Variants in MCM5 observed in about 807,000 individuals in gnomAD.
MCM5 encodes the protein DNA replication licensing factor MCM5.
Under a neutral mutation model 79.9 loss-of-function variants are expected in MCM5, and 46 were observed. The observed-to-expected ratio is 0.58, with a 90% CI of 0.45 to 0.74. MCM5 has a LOEUF of 0.74. Among genes scored for constraint, MCM5 ranks in the 30% least tolerant of loss-of-function variants. The pLI, the probability that MCM5 is intolerant of heterozygous loss-of-function variation, is 0.00. For missense variants in MCM5, 883 were observed against 1,017.0 expected (o/e 0.87, Z 1.79); for synonymous variants, 404 against 390.5 (o/e 1.03, Z -0.41).
chr22:35,420,389 A>G (rs1427726840), intron 14 of MCM5, among the ~76,000 whole-genome samples: 1 of 152,184 alleles, frequency 6.6e-6, no homozygotes, highest in Non-Finnish European at 1.5e-5. Flanking sequence ...TTTAGCTCCT[A>G]ACTCTGTTCA....
intron 11 of MCM5, 98 bp from the exon 12 acceptor site, chr22:35,416,540 T>TAAAC: frequency 1.3e-6 from 1 of 753,228 alleles, no homozygotes; most frequent in Non-Finnish European, 2.2e-6. Flanking sequence ...TGTGTGTGTG[T>TAAAC]GTGTGTGTGT....
chr22:35,430,623 C>T, the MCM5 span, among the ~76,000 whole-genome samples: 14 of 152,086 alleles, frequency 9.2e-5, no homozygotes, highest in African/African-American at 3.1e-4. Context: ...CTGCCTCAGC[C>T]TCCCGAGTAG....
At chr22:35,449,146 C>G in the MCM5 span, among the ~76,000 whole-genome samples, 1 of 152,170 alleles carries the variant, frequency 6.6e-6, no homozygotes, top group Non-Finnish European at 1.5e-5. Flanking sequence ...ACCGAGGGTA[C>G]TGAGATGAGG....
the MCM5 span, among the ~76,000 whole-genome samples, chr22:35,448,301 T>G: frequency 4.9e-4 from 74 of 152,204 alleles, 1 homozygote; most frequent in Admixed American, 1.4e-3. Flanking sequence ...TTTAGCTATG[T>G]CTTCGTCTCT....
chr22:35,445,614 A>G, the MCM5 span, among the ~76,000 whole-genome samples: 1 of 151,500 alleles, frequency 6.6e-6, no homozygotes, highest in Non-Finnish European at 1.5e-5. Context: ...GGTTCACGCC[A>G]TTCTCATGCC....
chr22:35,450,131 C>T, the MCM5 span, among the ~76,000 whole-genome samples: 1 of 152,120 alleles, frequency 6.6e-6, no homozygotes, highest in Non-Finnish European at 1.5e-5. Flanking sequence ...AGCTGTCTGA[C>T]CTCTCAGATT....
the MCM5 span, among the ~76,000 whole-genome samples, chr22:35,449,005 C>T: frequency 4.6e-5 from 7 of 152,186 alleles, no homozygotes; most frequent in Non-Finnish European, 7.3e-5. Context: ...AGTCCAGCAT[C>T]AGTGTGGTGG....
the MCM5 span, among the ~76,000 whole-genome samples, chr22:35,432,304 G>A: frequency 2.6e-5 from 4 of 152,152 alleles, no homozygotes; most frequent in Non-Finnish European, 4.4e-5. Context: ...CAAGAGATGG[G>A]ACCCCATGGA....
In MCM5 at chr22:35,401,001, G is replaced by A. The variant is rs4645735; in HGVS notation, c.167+396G>A. Among the ~76,000 whole-genome samples the A allele has an allele frequency of 9.2e-3, 1,396 of 152,182 alleles. 23 individuals carry two copies. Among genetic ancestry groups the A allele is most frequent in the African/African-American group, 0.032 (1,343 of 41,516 alleles). On this transcript the variant is annotated intron_variant, in intron 2 of 16. Coordinates refer to ENST00000216122, the MANE Select transcript of MCM5 (RefSeq NM_006739.4). ...GCCCGGATAATTTTTTGTAATTTTA[G>A]TAGAGATGGGGTTTCGCCATGTTCG...
Position 35,424,242 on chromosome 22 carries a change from A to G in MCM5, c.2192A>G (p.Tyr731Cys). The G allele has an allele frequency of 6.5e-7, 1 of 1,548,168 alleles. No homozygotes were observed. The highest frequency in any genetic ancestry group is 8.7e-7 in the Non-Finnish European group (1 of 1,145,412). Residue 731 changes from tyrosine (Y) to cysteine (C), a missense_variant, in exon 17 of 17, where the codon TAC becomes TGC. By Grantham distance (194) the Tyr-to-Cys change is radical. This residue lies in a region of MCM5 where 426 missense variants were observed against 482.3 expected (regional missense o/e 0.88). Coordinates refer to ENST00000216122, the MANE Select transcript of MCM5 (RefSeq NM_006739.4). ...IQHRMQRKVL[Y>C]RLK ...CATCGCATGCAGCGCAAGGTTCTCT[A>G]CCGCCTCAAGTGAGTCGCGCCGCCT...
chr22:35,402,113 A>G (rs552020217), intron 2 of MCM5, among the ~76,000 whole-genome samples: 2 of 152,228 alleles, frequency 1.3e-5, no homozygotes, highest in South Asian at 2.1e-4. Flanking sequence ...ATGCTCTGCT[A>G]AGCATCTGGG....
At chr22:35,450,230 C>T in the MCM5 span, among the ~76,000 whole-genome samples, 2 of 152,144 alleles carry the variant, frequency 1.3e-5, no homozygotes, top group Non-Finnish European at 2.9e-5. Flanking sequence ...GAACATGGCC[C>T]ACGGTTGAGT....
At position 35,416,844 on chromosome 22, in the gene MCM5, G is replaced by A. The variant is rs756437906; in HGVS notation, c.1590+30G>A. The stretch of plus-strand genomic sequence containing the variant: ...GTCCAGGGGCAGGGCTGGTGGCCAT[G>A]GGACCTGCCTCCAGGCAGGCTTGTG... On this transcript the variant is annotated intron_variant, in intron 12 of 16. Transcript: ENST00000216122. The A allele has an allele frequency of 5.6e-6, 9 of 1,606,202 alleles. No individual in the cohort carries two copies. In the South Asian group the frequency reaches 9.9e-5, roughly 18 times the overall value.
Position 35,412,581 on chromosome 22 carries a change from G to A in MCM5, c.991G>A (p.Val331Ile). 1 of 1,585,244 alleles carries A rather than the reference G, an allele frequency of 6.3e-7. No homozygotes were observed. Among genetic ancestry groups the A allele is most frequent in the Non-Finnish European group, 8.6e-7 (1 of 1,163,810 alleles). The change falls in exon 8 of 17, where the codon GTC becomes ATC. Residue 331 changes from valine (V) to isoleucine (I), a missense_variant. Transcript: ENST00000216122. The part of the protein sequence containing the change: ...EFRRLAALPN[V>I]YEVISKSIAP... ...CCGTCGCCTGGCTGCCCTCCCAAAT[G>A]TCTATGAGGTCATCTCCAAGAGCAT... is the stretch of plus-strand genomic sequence containing the variant.
chr22:35,447,273 G>A, the MCM5 span, among the ~76,000 whole-genome samples: 4 of 152,076 alleles, frequency 2.6e-5, no homozygotes, highest in African/African-American at 4.8e-5. Context: ...CTCCTTCCCC[G>A]ACGGGTTTGG....
At chr22:35,452,030 C>T in the MCM5 span, among the ~76,000 whole-genome samples, 1 of 152,208 alleles carries the variant, frequency 6.6e-6, no homozygotes, top group Non-Finnish European at 1.5e-5. Context: ...GCTATCTCAG[C>T]CCCTGGCTTC....
intron 15 of MCM5, 159 bp from the exon 16 acceptor site, chr22:35,423,055 C>G: frequency 4.8e-6 from 3 of 625,970 alleles, no homozygotes; most frequent in Non-Finnish European, 7.7e-6. Flanking sequence ...ATCCTGTCTC[C>G]TCAATCAGGC....
chr22:35,415,878 T>C lies in MCM5; in HGVS notation c.1253T>C (p.Val418Ala), dbSNP rs1601759566. 6.2e-7 allele frequency: 1 copy of C among 1,613,996 alleles called. No individual in the cohort carries two copies. ...GSSAAGLTAS[V>A]MRDPSSRNFI... The stretch of plus-strand genomic sequence containing the variant: ...AGCGCAGCTGGACTGACAGCCTCGG[T>C]GATGAGGGACCCTTCGTCCCGGAAT... The change falls in exon 10 of 17, where the codon GTG becomes GCG. Residue 418 changes from valine (V) to alanine (A), a missense_variant. Around this residue, in one of 3 missense-constraint regions of MCM5, gnomAD observed 426 missense variants for 482.3 expected, o/e 0.88. Coordinates refer to ENST00000216122, the MANE Select transcript of MCM5 (RefSeq NM_006739.4).
At chr22:35,427,689 C>T (rs1932787073), downstream of MCM5, among the ~76,000 whole-genome samples, 2 of 151,682 alleles carry the variant, frequency 1.3e-5, no homozygotes, top group Non-Finnish European at 2.9e-5. Context: ...TAATGTTATC[C>T]CTCCCTAGCC....
Sources: allele counts gnomAD v4.1 joint callset (sites outside exome capture counted in the v4.1 genomes callset), GRCh38; gene constraint gnomAD v4.1.1; regional missense constraint gnomAD v4.1.1; transcripts MANE v1.5; gene names NCBI Gene and HGNC (gene_info 2026-07-23, HGNC 2026-07-21).